FAT4: variants seen among roughly 807,000 people sequenced by gnomAD.
The protein encoded by FAT4 is FAT atypical cadherin 4, also known as protocadherin Fat 4.
Under a neutral mutation model 303.9 loss-of-function variants are expected in FAT4, and 84 were observed. That is an observed-to-expected ratio of 0.28 (90% CI 0.23 to 0.33). FAT4 has a LOEUF of 0.33. FAT4 is among the 10% of genes least tolerant of loss of function. The probability of loss-of-function intolerance (pLI) is 1.00; values close to 1 mark genes in which losing one functional copy is unlikely to be tolerated. For synonymous variants in FAT4, 2,307 were observed against 2,298.8 expected, an observed-to-expected ratio of 1.00 and a Z score of -0.10; for missense variants, 6,005 against 6,146.8, an observed-to-expected ratio of 0.98 and a Z score of 0.77.
Position 125,387,977 on chromosome 4 carries a change from T to C in FAT4, c.5176-10807T>C, listed in dbSNP as rs17193992. Reference sequence around the variant, plus strand: ...CTCACACATTTCTGGATAACTGCAGTTGGGCTTCTCTAGGCTAGACTCAAC... The same window carrying C: ...CTCACACATTTCTGGATAACTGCAGCTGGGCTTCTCTAGGCTAGACTCAAC... On this transcript the variant is annotated intron_variant, in intron 2 of 17. Coordinates refer to ENST00000394329, the MANE Select transcript of FAT4 (RefSeq NM_001291303.3). Among the ~76,000 whole-genome samples, 1,225 of 152,300 alleles carry C rather than the reference T, an allele frequency of 8.0e-3. 4 individuals are homozygous for C. Among genetic ancestry groups the C allele is most frequent in the Admixed American group, 0.011 (171 of 15,298 alleles).
Position 125,463,573 on chromosome 4 carries a change from T to G in FAT4, c.11811T>G (p.Cys3937Trp). ...VCKTGYTGKM[C>W]ESSVNYCECN... ...TTTGATATATTTTAGGGAAAATGTG[T>G]GAATCTTCAGTCAATTACTGTGAAT... Residue 3937 changes from cysteine to tryptophan, a missense_variant, in exon 11 of 18, where the codon TGT becomes TGG. Physicochemically the swap from Cys to Trp is radical, Grantham distance 215. Transcript: ENST00000394329. 6.3e-7 allele frequency: 1 copy of G among 1,578,734 alleles called. No individual in the cohort carries two copies. The highest frequency in any genetic ancestry group is 8.6e-7 in the Non-Finnish European group (1 of 1,158,310).
At chr4:125,417,532 A>T (rs1735123039) in intron 7 of FAT4, among the ~76,000 whole-genome samples, 1 of 152,198 alleles carries the variant, frequency 6.6e-6, no homozygotes. Flanking sequence ...TCTATTAAAT[A>T]AGAAATATGC....
chr4:125,386,598 T>C (rs374977587), intron 2 of FAT4, among the ~76,000 whole-genome samples: 23 of 152,268 alleles, frequency 1.5e-4, no homozygotes, highest in African/African-American at 5.3e-4. Flanking sequence ...GATGTCTAAA[T>C]AGAATTAAAG....
intron 8 of FAT4, among the ~76,000 whole-genome samples, chr4:125,435,069 A>G (rs1253143063): frequency 1.3e-5 from 2 of 152,202 alleles, no homozygotes; most frequent in Non-Finnish European, 2.9e-5. Context: ...GAAATGTCAA[A>G]GAATTTTGAC....
At chr4:125,414,383 A>G (rs1192257460) in intron 5 of FAT4, among the ~76,000 whole-genome samples, 1 of 152,192 alleles carries the variant, frequency 6.6e-6, no homozygotes, top group Non-Finnish European at 1.5e-5. Flanking sequence ...AAAATTTGAA[A>G]GAGAACTATT....
intron 16 of FAT4, among the ~76,000 whole-genome samples, chr4:125,485,966 G>A (rs1284867341): frequency 6.6e-6 from 1 of 152,126 alleles, no homozygotes; most frequent in Non-Finnish European, 1.5e-5. Flanking sequence ...TTATATAAGT[G>A]TTAAGTACAG....
intron 2 of FAT4, among the ~76,000 whole-genome samples, chr4:125,327,361 G>C (rs1360731873): frequency 2.6e-5 from 4 of 152,122 alleles, no homozygotes; most frequent in Admixed American, 6.5e-5. Context: ...ATCTTCTTTG[G>C]AATAATGATG....
At chr4:125,333,160 G>A (rs1433891468) in intron 2 of FAT4, among the ~76,000 whole-genome samples, 2 of 151,872 alleles carry the variant, frequency 1.3e-5, no homozygotes, top group African/African-American at 2.4e-5. Flanking sequence ...ATGTAATTTA[G>A]GTAACTCATT....
At chr4:125,388,632 T>G (rs1432535809) in intron 2 of FAT4, among the ~76,000 whole-genome samples, 4 of 152,200 alleles carry the variant, frequency 2.6e-5, no homozygotes, top group African/African-American at 7.2e-5. Flanking sequence ...TGAGCATCCT[T>G]AAGAATTTGT....
Position 125,491,855 on chromosome 4 carries a change from G to GA in FAT4, c.*92dup. On this transcript the variant is annotated 3_prime_UTR_variant, in exon 18 of 18. Coordinates refer to ENST00000394329, the MANE Select transcript of FAT4 (RefSeq NM_001291303.3). ...TTGCTGACTAGGTTGGGTCACATTT[G>GA]AAAAACAGGCCAGTATGGACTAGTG... is the stretch of plus-strand genomic sequence containing the variant. 1 of 1,365,146 alleles carries GA rather than the reference G, an allele frequency of 7.3e-7. No homozygotes were observed. The highest frequency in any genetic ancestry group is 9.8e-7 in the Non-Finnish European group (1 of 1,016,880). The allele number at this position is 1,365,146 out of a possible 1,614,324, so 84.6% of individuals were successfully genotyped here. A position where few individuals can be genotyped will look rare whatever the true frequency, so the allele number is the denominator to read the frequency against.
At position 125,451,159 on chromosome 4, in the gene FAT4, T is replaced by C; in HGVS notation, c.10149T>C (p.Ile3383=). ...LKVLAKNFGS[I]RGADIDEVTV... is the part of the protein sequence containing the mutation. ...TATTGGCCAAGAACTTTGGCAGCAT[T>C]AGAGGTGCAGATATAGATGAGGTCA... Residue 3383 remains isoleucine, a synonymous_variant, in exon 10 of 18, where the codon ATT becomes ATC. Transcript: ENST00000394329. 1.2e-6 allele frequency: 2 copies of C among 1,614,086 alleles called. No individual in the cohort carries two copies. Among genetic ancestry groups the C allele is most frequent in the Non-Finnish European group, 1.7e-6 (2 of 1,179,996 alleles).
intron 2 of FAT4, among the ~76,000 whole-genome samples, chr4:125,352,042 T>C (rs1281958469): frequency 6.6e-6 from 1 of 151,746 alleles, no homozygotes; most frequent in African/African-American, 2.4e-5. Flanking sequence ...TGATTTATTG[T>C]AGTATAACTT....
chr4:125,409,546 G>A (rs1464190809), intron 5 of FAT4, among the ~76,000 whole-genome samples: 3 of 152,120 alleles, frequency 2.0e-5, no homozygotes, highest in African/African-American at 7.2e-5. Flanking sequence ...GTGAGCCACT[G>A]CACCCAGCCC....
chr4:125,436,562 A>G, intron 8 of FAT4, among the ~76,000 whole-genome samples: 2 of 152,302 alleles, frequency 1.3e-5, no homozygotes, highest in African/African-American at 4.8e-5. Context: ...TGCTGCTAAT[A>G]AAGACATACC....
In FAT4 at chr4:125,463,550, T is replaced by A; in HGVS notation, c.11801-13T>A. On this transcript the variant is annotated splice_polypyrimidine_tract_variant and intron_variant, in intron 10 of 17. Transcript: ENST00000394329. ...TATGAGATTTAAAAAAAACTGAATT[T>A]GATATATTTTAGGGAAAATGTGTGA... 6.6e-7 allele frequency: 1 copy of A among 1,513,622 alleles called. No individual in the cohort carries two copies. Among genetic ancestry groups the A allele is most frequent in the Non-Finnish European group, 9.0e-7 (1 of 1,111,442 alleles). 93.8% of individuals were successfully genotyped at this position (1,513,622 alleles called of 1,614,324 possible). A position where few individuals can be genotyped will look rare whatever the true frequency, so the allele number is the denominator to read the frequency against.
At chr4:125,458,570 C>A (rs1204471934) in intron 10 of FAT4, among the ~76,000 whole-genome samples, 3 of 151,600 alleles carry the variant, frequency 2.0e-5, no homozygotes, top group African/African-American at 7.3e-5. Context: ...TAATTTGATT[C>A]CTGAAAGCAG....
intron 2 of FAT4, among the ~76,000 whole-genome samples, chr4:125,366,417 A>C (rs1239210585): frequency 6.6e-6 from 1 of 152,192 alleles, no homozygotes; most frequent in East Asian, 1.9e-4. Flanking sequence ...ATGTTCCTGC[A>C]AAGGACATGA....
At chr4:125,417,316 T>C (rs1341326912) in intron 7 of FAT4, among the ~76,000 whole-genome samples, 1 of 152,098 alleles carries the variant, frequency 6.6e-6, no homozygotes, top group Non-Finnish European at 1.5e-5. Context: ...TGAGTGAGTC[T>C]GTTAGGAGGA....
At chr4:125,324,926 AAATT>A (rs1271867330) in intron 2 of FAT4, among the ~76,000 whole-genome samples, 1 of 152,172 alleles carries the variant, frequency 6.6e-6, no homozygotes, top group Non-Finnish European at 1.5e-5. Flanking sequence ...TTCTAACTAA[AAATT>A]AAAGAGTGGC....
Sources: allele counts gnomAD v4.1 joint callset (sites outside exome capture counted in the v4.1 genomes callset), GRCh38; gene constraint gnomAD v4.1.1; transcripts MANE v1.5; gene names NCBI Gene and HGNC (gene_info 2026-07-23, HGNC 2026-07-21).